Variants in CCDC14 observed in about 807,000 individuals in gnomAD.
CCDC14 encodes the protein coiled-coil domain containing 14, also known as coiled-coil domain-containing protein 14.
A neutral mutation model predicts 81.4 loss-of-function variants in CCDC14; 71 were observed. The observed-to-expected ratio is 0.87, with a 90% CI of 0.72 to 1.06. CCDC14 has a LOEUF of 1.06. Among genes scored for constraint, CCDC14 ranks in the 50% least tolerant of loss-of-function variants. The pLI is 0.00. For missense variants in CCDC14, 1,046 were observed against 1,047.3 expected (o/e 1.00, Z 0.02); for synonymous variants, 332 against 364.8 (o/e 0.91, Z 1.03).
Position 123,898,822 on chromosome 3 carries a change from C to T in CCDC14, c.668-1209G>A, listed in dbSNP as rs185977059. ...CATGCCTCGGCCTCCTGAGTAGCTG[C>T]GATTACAGGTGCCTGCCACAATGCC... On this transcript the variant is annotated intron_variant, in intron 5 of 5. Transcript: ENST00000479903. Among the ~76,000 whole-genome samples, 23 of 151,512 alleles carry T rather than the reference C, an allele frequency of 1.5e-4. 1 individual carries two copies. Among genetic ancestry groups the T allele is most frequent in the Middle Eastern group, 6.9e-3 (2 of 290 alleles).
intron 5 of CCDC14, among the ~76,000 whole-genome samples, chr3:123,908,287 A>T (rs975110221): frequency 6.6e-6 from 1 of 152,190 alleles, no homozygotes; most frequent in African/African-American, 2.4e-5. Context: ...AGCTGGAATG[A>T]GTCTTTGAGA....
chr3:123,946,923 C>G lies in CCDC14; in HGVS notation c.1081G>C (p.Val361Leu). ...TSERKDLNIH[V>L]RDTKTVKDVQ... The stretch of plus-strand genomic sequence containing the variant: ...TCCTTCACTGTTTTTGTATCTCGCA[C>G]ATGTATGTTTAAATCCTTTCTTTCA... The change falls in exon 8 of 13, where the codon GTG (valine) becomes CTG (leucine). Residue 361 changes from valine to leucine, a missense_variant. Transcript: ENST00000409697. The G allele has an allele frequency of 6.2e-7, 1 of 1,613,928 alleles. No individual in the cohort carries two copies. Among genetic ancestry groups the G allele is most frequent in the Non-Finnish European group, 8.5e-7 (1 of 1,179,882 alleles).
intron 7 of CCDC14, 23 bp downstream of exon 7, chr3:123,948,668 T>TGTA (rs756948687): frequency 1.9e-5 from 29 of 1,536,754 alleles, no homozygotes; most frequent in Non-Finnish European, 2.5e-5. Context: ...TAGTTACTTA[T>TGTA]GTAGTATAAG....
At chr3:123,906,681 C>A (rs898772497) in intron 5 of CCDC14, among the ~76,000 whole-genome samples, 1 of 152,080 alleles carries the variant, frequency 6.6e-6, no homozygotes, top group African/African-American at 2.4e-5. Context: ...CTACAGCTTT[C>A]TAGAGGGGAA....
chr3:123,929,325 T>C (rs1377571348), intron 12 of CCDC14, among the ~76,000 whole-genome samples: 1 of 152,126 alleles, frequency 6.6e-6, no homozygotes, highest in East Asian at 1.9e-4. Flanking sequence ...TTTATTATTT[T>C]TTTGAGACAG....
chr3:123,908,542 GT>G (rs1278841981), downstream of CCDC14, among the ~76,000 whole-genome samples: 2 of 152,138 alleles, frequency 1.3e-5, no homozygotes, highest in Admixed American at 1.3e-4. Flanking sequence ...ATCATTGCCT[GT>G]TTAAGTGTTT....
At chr3:123,895,309 AAATAAAT>A (rs2034043333), downstream of CCDC14, among the ~76,000 whole-genome samples, 1 of 152,178 alleles carries the variant, frequency 6.6e-6, no homozygotes, top group Non-Finnish European at 1.5e-5. Flanking sequence ...GTTTAAAAAT[AAATAAAT>A]AAATAAGCCA....
In CCDC14 at chr3:123,905,184, A is replaced by G. The variant is rs1174759372; in HGVS notation, c.668-7571T>C. ...GACAGACAAGTTAATAATGGATAACAGAATATACCATAAAACTACTGAGAA... is the reference window on the plus strand; with the variant it reads ...GACAGACAAGTTAATAATGGATAACGGAATATACCATAAAACTACTGAGAA... On this transcript the variant is annotated intron_variant, in intron 5 of 5. Transcript: ENST00000479903. 2.0e-5 allele frequency among the ~76,000 whole-genome samples: 3 copies of G among 152,352 alleles called. No homozygotes were observed. The East Asian group carries it at 5.8e-4, about 29-fold the overall frequency.
intron 9 of CCDC14, among the ~76,000 whole-genome samples, chr3:123,941,024 C>A (rs971416971): frequency 1.3e-5 from 2 of 152,024 alleles, no homozygotes; most frequent in African/African-American, 4.8e-5. Flanking sequence ...CATTCACTCC[C>A]GTTTCATTTT....
At chr3:123,925,152 A>C (rs957908270) in intron 12 of CCDC14, among the ~76,000 whole-genome samples, 1 of 151,984 alleles carries the variant, frequency 6.6e-6, no homozygotes, top group African/African-American at 2.4e-5. Context: ...ACAAAAAAAA[A>C]CCCAGGAAAT....
the CCDC14 span, among the ~76,000 whole-genome samples, chr3:123,886,057 A>G: frequency 6.6e-6 from 1 of 152,114 alleles, no homozygotes; most frequent in Non-Finnish European, 1.5e-5. Flanking sequence ...CATCTACGAT[A>G]TTAGAGCTCA....
At chr3:123,919,164 C>T (rs1011004128) in intron 12 of CCDC14, among the ~76,000 whole-genome samples, 1 of 152,038 alleles carries the variant, frequency 6.6e-6, no homozygotes, top group African/African-American at 2.4e-5. Flanking sequence ...TCTGGCCCTG[C>T]CAGACTTTAG....
chr3:123,922,302 A>C (rs1295300587), intron 12 of CCDC14, among the ~76,000 whole-genome samples: 1 of 152,162 alleles, frequency 6.6e-6, no homozygotes, highest in Non-Finnish European at 1.5e-5. Context: ...ATTACATCTT[A>C]AGGAACTAGG....
chr3:123,927,931 A>G (rs572006479), intron 12 of CCDC14, among the ~76,000 whole-genome samples: 76 of 152,304 alleles, frequency 5.0e-4, no homozygotes, highest in African/African-American at 1.7e-3. Flanking sequence ...TCAATAATGG[A>G]GCATCTTTAT....
Position 123,952,430 on chromosome 3 carries a change from A to G in CCDC14, c.353-3298T>C, listed in dbSNP as rs570953143. 2.0e-5 allele frequency among the ~76,000 whole-genome samples: 3 copies of G among 152,336 alleles called. No individual in the cohort carries two copies. The South Asian group carries it at 6.2e-4, about 32-fold the overall frequency. ...GAAGACAGCAATGTATGTTACTAAA[A>G]GCAAAATCATGAAAGCATTCAACAC... On this transcript the variant is annotated intron_variant, in intron 5 of 12. Coordinates refer to ENST00000409697, the MANE Select transcript of CCDC14 (RefSeq NM_001366335.1).
the CCDC14 span, among the ~76,000 whole-genome samples, chr3:123,887,876 TG>T: frequency 6.6e-6 from 1 of 152,192 alleles, no homozygotes; most frequent in African/African-American, 2.4e-5. Flanking sequence ...GAACCTTTTT[TG>T]TCTATCTTCA....
chr3:123,919,238 C>T (rs1408366304), intron 12 of CCDC14, among the ~76,000 whole-genome samples: 1 of 152,192 alleles, frequency 6.6e-6, no homozygotes, highest in Non-Finnish European at 1.5e-5. Flanking sequence ...AAACTGCATC[C>T]TTACATATCT....
the CCDC14 span, among the ~76,000 whole-genome samples, chr3:123,891,979 CA>C: frequency 6.6e-6 from 1 of 151,916 alleles, no homozygotes; most frequent in Non-Finnish European, 1.5e-5. Flanking sequence ...GAGCAAGTCA[CA>C]TCTTACATGG....
At chr3:123,907,115 C>T (rs2034330034) in intron 5 of CCDC14, among the ~76,000 whole-genome samples, 1 of 152,184 alleles carries the variant, frequency 6.6e-6, no homozygotes, top group African/African-American at 2.4e-5. Flanking sequence ...TTTTAGTTTA[C>T]AGTCATATTT....
Sources: allele counts gnomAD v4.1 joint callset (sites outside exome capture counted in the v4.1 genomes callset), GRCh38; gene constraint gnomAD v4.1.1; transcripts MANE v1.5; gene names NCBI Gene and HGNC (gene_info 2026-07-23, HGNC 2026-07-21).